The following PPM1D variants were observed in gnomAD, a reference collection of about 807,000 sequenced individuals.
The protein encoded by PPM1D is protein phosphatase, Mg2+/Mn2+ dependent 1D, also known as protein phosphatase 1D.
Under a neutral mutation model 58.3 loss-of-function variants are expected in PPM1D, and 52 were observed. That is an observed-to-expected ratio of 0.89 (90% confidence interval 0.71 to 1.12). PPM1D has a LOEUF of 1.12. Among genes scored for constraint, PPM1D ranks in the 50% most tolerant of loss-of-function variants. PPM1D has a pLI of 0.00. For missense variants in PPM1D, 564 were observed against 777.2 expected (o/e 0.73, Z 3.26); for synonymous variants, 278 against 285.1 (o/e 0.98, Z 0.25).
At chr17:60,627,838 T>C (rs927355097) in intron 2 of PPM1D, among the ~76,000 whole-genome samples, 3 of 152,182 alleles carry the variant, frequency 2.0e-5, no homozygotes, top group African/African-American at 4.8e-5. Context: ...TGCATATTCT[T>C]ACATTAACAG....
At chr17:60,615,468 TA>T (rs2030563147) in intron 1 of PPM1D, among the ~76,000 whole-genome samples, 1 of 151,856 alleles carries the variant, frequency 6.6e-6, no homozygotes, top group Non-Finnish European at 1.5e-5. Flanking sequence ...TGCTGTCTTT[TA>T]ATGCACTTCT....
intron 1 of PPM1D, among the ~76,000 whole-genome samples, chr17:60,606,074 C>T: frequency 6.6e-6 from 1 of 152,198 alleles, no homozygotes; most frequent in East Asian, 1.9e-4. Flanking sequence ...TTGTTTCCCC[C>T]TTTCCCATCT....
chr17:60,625,921 G>C lies in PPM1D; in HGVS notation c.701+2172G>C, dbSNP rs115169951. On this transcript the variant is annotated intron_variant, in intron 2 of 5. Coordinates refer to ENST00000305921, the MANE Select transcript of PPM1D (RefSeq NM_003620.4). Reference sequence around the variant, plus strand: ...TAAAAAAGAGGATATGCTATGGAAGGTCTCTCAGCTGCTACTGTCCCAAAG... The same window carrying C: ...TAAAAAAGAGGATATGCTATGGAAGCTCTCTCAGCTGCTACTGTCCCAAAG... Among the ~76,000 whole-genome samples the C allele has an allele frequency of 7.8e-3, 1,182 of 152,130 alleles. 13 individuals are homozygous for C. The highest frequency in any genetic ancestry group is 0.027 in the African/African-American group (1,103 of 41,488).
intron 4 of PPM1D, among the ~76,000 whole-genome samples, chr17:60,653,144 G>T (rs989921942): frequency 6.6e-6 from 1 of 152,140 alleles, no homozygotes; most frequent in Non-Finnish European, 1.5e-5. Flanking sequence ...GATCAAAGTA[G>T]ATCTCACAGA....
intron 2 of PPM1D, among the ~76,000 whole-genome samples, chr17:60,624,522 C>T (rs1054722760): frequency 6.6e-6 from 1 of 152,182 alleles, no homozygotes; most frequent in Non-Finnish European, 1.5e-5. Flanking sequence ...CACTGTGGCT[C>T]ACACCTGTAA....
At chr17:60,613,316 T>A (rs1278104385) in intron 1 of PPM1D, among the ~76,000 whole-genome samples, 1 of 152,244 alleles carries the variant, frequency 6.6e-6, no homozygotes, top group Non-Finnish European at 1.5e-5. Flanking sequence ...TTCAAATTGC[T>A]TCCCTGAAGG....
At chr17:60,604,634 T>C (rs1246226849) in intron 1 of PPM1D, 2 of 152,188 alleles carry the variant, frequency 1.3e-5, no homozygotes, top group Non-Finnish European at 2.9e-5. Context: ...AGCATGTGCG[T>C]GTAGTCTCTG....
chr17:60,656,280 C>G (rs2031436820), intron 4 of PPM1D, among the ~76,000 whole-genome samples: 1 of 150,352 alleles, frequency 6.7e-6, no homozygotes, highest in Admixed American at 6.6e-5. Context: ...GGTGAAATCC[C>G]GTCTCTACTA....
At chr17:60,604,660 A>T (rs1052833246) in intron 1 of PPM1D, 1 of 151,956 alleles carries the variant, frequency 6.6e-6, no homozygotes, top group Non-Finnish European at 1.5e-5. Context: ...CCAGAGGCTG[A>T]GATGGAGGGA....
At chr17:60,652,510 A>G (rs1484379182) in intron 4 of PPM1D, among the ~76,000 whole-genome samples, 1 of 142,462 alleles carries the variant, frequency 7.0e-6, no homozygotes, top group Non-Finnish European at 1.5e-5. Context: ...GGATATATGT[A>G]TAGTAGTGGA....
At chr17:60,654,094 C>A (rs2031390563) in intron 4 of PPM1D, among the ~76,000 whole-genome samples, 1 of 151,874 alleles carries the variant, frequency 6.6e-6, no homozygotes, top group Admixed American at 6.6e-5. Flanking sequence ...GTGGGGCATC[C>A]TTGTCTGTTT....
intron 1 of PPM1D, among the ~76,000 whole-genome samples, chr17:60,605,091 A>C (rs987672040): frequency 2.4e-4 from 36 of 152,084 alleles, no homozygotes; most frequent in African/African-American, 7.0e-4. Flanking sequence ...CACAGGCATG[A>C]GCCACCACTC....
chr17:60,613,469 C>G (rs965526084), intron 1 of PPM1D, among the ~76,000 whole-genome samples: 1 of 152,264 alleles, frequency 6.6e-6, no homozygotes, highest in Admixed American at 6.5e-5. Flanking sequence ...TGGCAGCCCT[C>G]GCTGGCTCTC....
chr17:60,625,236 T>A (rs1204042110), intron 2 of PPM1D, among the ~76,000 whole-genome samples: 3 of 152,108 alleles, frequency 2.0e-5, no homozygotes, highest in African/African-American at 7.2e-5. Context: ...AACAAAAAAA[T>A]GCAAAACAGT....
intron 2 of PPM1D, among the ~76,000 whole-genome samples, chr17:60,633,553 A>G (rs929800253): frequency 1.3e-5 from 2 of 151,598 alleles, no homozygotes; most frequent in African/African-American, 4.9e-5. Context: ...TCAACCCCCA[A>G]TTGTTTACTA....
intron 1 of PPM1D, among the ~76,000 whole-genome samples, chr17:60,608,057 GT>G (rs2030370409): frequency 6.6e-6 from 1 of 152,132 alleles, no homozygotes; most frequent in Non-Finnish European, 1.5e-5. Context: ...TATGTTGGTT[GT>G]TCGCATTTTT....
Position 60,663,683 on chromosome 17 carries a change from G to C in PPM1D, c.*131G>C, listed in dbSNP as rs1362058791. 29 of 1,001,778 alleles carry C rather than the reference G, an allele frequency of 2.9e-5. No individual in the cohort carries two copies. The East Asian group carries it at 7.1e-4, about 24-fold the overall frequency. The allele number at this position is 1,001,778 out of a possible 1,614,324, so 62.1% of individuals were successfully genotyped here. On this transcript the variant is annotated 3_prime_UTR_variant, in exon 6 of 6. Coordinates refer to ENST00000305921, the MANE Select transcript of PPM1D (RefSeq NM_003620.4). ...ATACAGTTTGACTTTTTGGAATTCA[G>C]CAGTTTTATCCTGGCCTTGTACTTG... is the stretch of plus-strand genomic sequence containing the variant.
intron 2 of PPM1D, among the ~76,000 whole-genome samples, chr17:60,628,523 C>T (rs1000583222): frequency 6.6e-5 from 10 of 152,210 alleles, no homozygotes; most frequent in African/African-American, 1.9e-4. Flanking sequence ...CCCTCCCCCA[C>T]TTACTCCTGG....
intron 3 of PPM1D, among the ~76,000 whole-genome samples, chr17:60,634,742 A>G (rs1231475716): frequency 6.6e-6 from 1 of 152,122 alleles, no homozygotes; most frequent in East Asian, 1.9e-4. Context: ...AGATGGGGGT[A>G]GTTTTTTCAA....
Sources: allele counts gnomAD v4.1 joint callset (sites outside exome capture counted in the v4.1 genomes callset), GRCh38; gene constraint gnomAD v4.1.1; transcripts MANE v1.5; gene names NCBI Gene and HGNC (gene_info 2026-07-23, HGNC 2026-07-21).